SNX29: variants seen among roughly 807,000 people sequenced by gnomAD.
SNX29 encodes sorting nexin-29.
A neutral mutation model predicts 102.1 loss-of-function variants in SNX29; 78 were observed. The ratio of observed to expected loss-of-function variants is 0.76; its 90% CI spans 0.64 to 0.92. The LOEUF (loss-of-function observed/expected upper bound fraction) is 0.92, where lower values mean the gene tolerates loss of function less well. Ranked by LOEUF, SNX29 falls within the 40% of genes least tolerant of loss-of-function variation. The probability of loss-of-function intolerance (pLI) is 0.00; values close to 1 mark genes in which losing one functional copy is unlikely to be tolerated. For missense variants in SNX29, 1,280 were observed against 1,061.7 expected (o/e 1.21, Z -2.86); for synonymous variants, 580 against 414.5 (o/e 1.40, Z -4.85).
intron 13 of SNX29, among the ~76,000 whole-genome samples, chr16:12,162,503 C>T (rs1461363290): frequency 6.6e-6 from 1 of 152,164 alleles, no homozygotes; most frequent in African/African-American, 2.4e-5. Context: ...AAGAAAGCTG[C>T]CAGAGACATT....
At chr16:12,257,250 T>C (rs1369317569) in intron 14 of SNX29, among the ~76,000 whole-genome samples, 2 of 152,270 alleles carry the variant, frequency 1.3e-5, no homozygotes, top group Non-Finnish European at 2.9e-5. Context: ...GAATCCGACT[T>C]CCTGTTCTCC....
intron 11 of SNX29, among the ~76,000 whole-genome samples, chr16:12,125,741 G>A (rs958346186): frequency 4.0e-5 from 6 of 149,204 alleles, no homozygotes; most frequent in Admixed American, 2.0e-4. Flanking sequence ...GCAAGCATGA[G>A]CCACCGTGCC....
intron 18 of SNX29, among the ~76,000 whole-genome samples, chr16:12,420,657 C>T (rs772470058): frequency 9.2e-5 from 14 of 152,134 alleles, no homozygotes; most frequent in Admixed American, 2.0e-4. Context: ...GCACTGACCT[C>T]ACAGAGTTGA....
At chr16:12,093,902 A>G (rs560532783) in intron 11 of SNX29, 4 of 152,334 alleles carry the variant, frequency 2.6e-5, no homozygotes. Context: ...CTTTAGAAAA[A>G]AGTAAGAAAC....
intron 18 of SNX29, among the ~76,000 whole-genome samples, chr16:12,405,609 A>G (rs960260134): frequency 6.6e-6 from 1 of 152,226 alleles, no homozygotes; most frequent in Non-Finnish European, 1.5e-5. Flanking sequence ...GCAGAGCAAA[A>G]TCAGAGCATG....
intron 14 of SNX29, among the ~76,000 whole-genome samples, chr16:12,243,971 C>G (rs960527790): frequency 6.6e-6 from 1 of 152,222 alleles, no homozygotes; most frequent in African/African-American, 2.4e-5. Context: ...TAAAATTACT[C>G]TACTGGTGGT....
intron 19 of SNX29, among the ~76,000 whole-genome samples, chr16:12,520,311 C>T (rs1007989774): frequency 6.6e-6 from 1 of 152,238 alleles, no homozygotes; most frequent in African/African-American, 2.4e-5. Context: ...TCTCAAAGAA[C>T]TGAACCCCGC....
chr16:12,562,398 A>C (rs2078777562), intron 20 of SNX29, among the ~76,000 whole-genome samples: 1 of 152,186 alleles, frequency 6.6e-6, no homozygotes, highest in Non-Finnish European at 1.5e-5. Flanking sequence ...GAGACAGATC[A>C]CATACCATAC....
At chr16:12,476,670 C>G (rs940406714) in intron 18 of SNX29, among the ~76,000 whole-genome samples, 1 of 151,562 alleles carries the variant, frequency 6.6e-6, no homozygotes, top group African/African-American at 2.4e-5. Context: ...CCATCTCACT[C>G]CATCGGAAAC....
intron 8 of SNX29, among the ~76,000 whole-genome samples, chr16:12,061,024 C>T (rs2050752704): frequency 6.6e-6 from 1 of 152,190 alleles, no homozygotes; most frequent in Non-Finnish European, 1.5e-5. Context: ...GAACGTGGAG[C>T]AGATGGCCTG....
At chr16:12,094,976 C>CAT (rs2052709237) in intron 11 of SNX29, 1 of 151,996 alleles carries the variant, frequency 6.6e-6, no homozygotes, top group South Asian at 2.1e-4. Flanking sequence ...TGTGCGCATG[C>CAT]ATGTGTGTGT....
At chr16:12,542,229 G>A (rs1382191546) in intron 20 of SNX29, among the ~76,000 whole-genome samples, 2 of 151,372 alleles carry the variant, frequency 1.3e-5, no homozygotes, top group South Asian at 2.1e-4. Flanking sequence ...CAGAGGGATA[G>A]GACCTAGTGT....
chr16:12,274,158 C>G (rs946692162), intron 14 of SNX29, among the ~76,000 whole-genome samples: 1 of 152,188 alleles, frequency 6.6e-6, no homozygotes, highest in Admixed American at 6.5e-5. Flanking sequence ...ATGCCTTTAT[C>G]CTGCCTCTCA....
chr16:12,059,467 C>G (rs2050678725), intron 8 of SNX29, among the ~76,000 whole-genome samples: 1 of 152,228 alleles, frequency 6.6e-6, no homozygotes, highest in Non-Finnish European at 1.5e-5. Flanking sequence ...ACCCTGCTGT[C>G]TGAAAGCCTC....
intron 9 of SNX29, among the ~76,000 whole-genome samples, chr16:12,062,541 G>T (rs2151273884): frequency 6.6e-6 from 1 of 152,226 alleles, no homozygotes; most frequent in South Asian, 2.1e-4. Flanking sequence ...ATCCCAGCTG[G>T]CCTGTGGGGT....
At chr16:12,287,510 C>A (rs979509473) in intron 15 of SNX29, among the ~76,000 whole-genome samples, 1 of 152,172 alleles carries the variant, frequency 6.6e-6, no homozygotes, top group African/African-American at 2.4e-5. Context: ...TCCTGTTTCC[C>A]CAGCATCAAG....
chr16:12,263,687 C>G (rs2142526735), intron 14 of SNX29, among the ~76,000 whole-genome samples: 1 of 152,206 alleles, frequency 6.6e-6, no homozygotes, highest in African/African-American at 2.4e-5. Context: ...CATTATAAAG[C>G]CATGTTAAAT....
intron 18 of SNX29, among the ~76,000 whole-genome samples, chr16:12,437,984 A>G (rs563290193): frequency 2.0e-5 from 3 of 152,100 alleles, no homozygotes; most frequent in Admixed American, 2.0e-4. Flanking sequence ...TCCTCACCCC[A>G]TGTGGCACAG....
At chr16:12,005,806 G>A (rs1174169768) in intron 3 of SNX29, among the ~76,000 whole-genome samples, 2 of 152,226 alleles carry the variant, frequency 1.3e-5, no homozygotes, top group East Asian at 3.9e-4. Context: ...TTGGAGTTTT[G>A]GATTAGGCGT....
Sources: gnomAD v4.1 joint callset for allele counts (sites outside exome capture counted in the v4.1 genomes callset) on GRCh38, gnomAD v4.1.1 for gene constraint, MANE v1.5 for transcripts, NCBI Gene and HGNC (gene_info 2026-07-23, HGNC 2026-07-21) for gene names.